Variants in CACNA1A observed in about 807,000 individuals in gnomAD.
CACNA1A encodes the protein calcium voltage-gated channel subunit alpha1 A, also known as voltage-dependent P/Q-type calcium channel subunit alpha-1A.
In CACNA1A, 57 loss-of-function variants were observed where a neutral mutation model predicts 262.4. That is an observed-to-expected ratio of 0.22 (90% confidence interval 0.18 to 0.27). The LOEUF is 0.27. Among genes scored for constraint, CACNA1A ranks in the 10% least tolerant of loss-of-function variants. The pLI, the probability that CACNA1A is intolerant of heterozygous loss-of-function variation, is 1.00. For missense variants in CACNA1A, 2,526 were observed against 3,562.8 expected (o/e 0.71, Z 7.41); for synonymous variants, 1,431 against 1,419.3 (o/e 1.01, Z -0.18).
At position 13,246,970 on chromosome 19, in the gene CACNA1A, C is replaced by T. The variant is rs548741057; in HGVS notation, c.4867-1705G>A. Among the ~76,000 whole-genome samples, 3 of 152,312 alleles carry T rather than the reference C, an allele frequency of 2.0e-5. No homozygotes were observed. In the East Asian group the frequency reaches 5.8e-4, roughly 29 times the overall value. ...GAAATACTCCACATTGTTTGGAGAA[C>T]AGTCACAGCCTCAAGTCCCACAAGG... is the stretch of plus-strand genomic sequence containing the variant. On this transcript the variant is annotated intron_variant, in intron 30 of 46. Transcript: ENST00000360228.
At chr19:13,469,434 T>C (rs1167825956) in intron 1 of CACNA1A, among the ~76,000 whole-genome samples, 1 of 150,300 alleles carries the variant, frequency 6.7e-6, no homozygotes, top group Non-Finnish European at 1.5e-5. Context: ...AACACCTGTT[T>C]CCAGCATCCT....
chr19:13,209,430 G>C lies in CACNA1A; in HGVS notation c.6408C>G (p.Asp2136Glu). The C allele has an allele frequency of 2.9e-6, 4 of 1,388,388 alleles. No individual in the cohort carries two copies. The highest frequency in any genetic ancestry group is 3.7e-6 in the Non-Finnish European group (4 of 1,066,992). 86.0% of individuals were successfully genotyped at this position (1,388,388 alleles called of 1,614,324 possible). Residue 2136 changes from aspartate to glutamate, a missense_variant, in exon 45 of 47, where the codon GAC becomes GAG. Asp to Glu is a conservative substitution (Grantham distance 45). Around this residue, in one of 17 missense-constraint regions of CACNA1A, gnomAD observed 929 missense variants for 868.1 expected, o/e 1.07. Transcript: ENST00000360228. ...SVLGPKARRL[D>E]DYSLERVPPE... Reference sequence around the variant, plus strand: ...GCGGGACCCGCTCCAGCGAGTAATCGTCCAGGCGTCGGGCCTTGGGGCCCA... The same window carrying C: ...GCGGGACCCGCTCCAGCGAGTAATCCTCCAGGCGTCGGGCCTTGGGGCCCA...
At chr19:13,277,266 G>A in intron 22 of CACNA1A, 138 bp from the exon 23 acceptor site, 1 of 607,548 alleles carries the variant, frequency 1.6e-6, no homozygotes, top group Non-Finnish European at 3.0e-6. Context: ...AGTTGCGCAG[G>A]GCGTGCACTG....
intron 10 of CACNA1A, among the ~76,000 whole-genome samples, chr19:13,325,296 T>C (rs950859356): frequency 6.6e-6 from 1 of 151,852 alleles, no homozygotes; most frequent in Non-Finnish European, 1.5e-5. Flanking sequence ...GCCAGGGTTT[T>C]GAGACCAGCC....
rs955869211 is a variant in CACNA1A, at chr19:13,298,673, C to A, written c.2960G>T (p.Arg987Leu). 4 of 1,476,636 alleles carry A rather than the reference C, an allele frequency of 2.7e-6. No individual in the cohort carries two copies. The highest frequency in any genetic ancestry group is 2.6e-5 in the Admixed American group (1 of 38,068). The allele number at this position is 1,476,636 out of a possible 1,614,324, so 91.5% of individuals were successfully genotyped here. Residue 987 changes from arginine to leucine, a missense_variant, in exon 19 of 47, where the codon CGG becomes CTG. Physicochemically the swap from Arg to Leu is moderately radical, Grantham distance 102. Transcript: ENST00000360228. Reference sequence around the variant, plus strand: ...GCCCTCGCCCTCGCCCTCGCCGCCCCGGGCCGGCCGGCTGCCCTCGCGGTG... The same window carrying A: ...GCCCTCGCCCTCGCCCTCGCCGCCCAGGGCCGGCCGGCTGCCCTCGCGGTG... ...ARHREGSRPA[R>L]GGEGEGEGPD...
chr19:13,482,886 G>C (rs1979519384), intron 1 of CACNA1A, among the ~76,000 whole-genome samples: 1 of 150,796 alleles, frequency 6.6e-6, no homozygotes, highest in Admixed American at 6.6e-5. Context: ...GTGTGTGTGT[G>C]TGTGTGTGTC....
Position 13,409,505 on chromosome 19 carries a change from T to G in CACNA1A, c.540-37726A>C, listed in dbSNP as rs537786894. ...CTCCAGCATCTAGCACAGCGCCTGG[T>G]ACAAAGTAAATGTCTCCTCAAATAA... On this transcript the variant is annotated intron_variant, in intron 3 of 46. Coordinates refer to ENST00000360228, the MANE Select transcript of CACNA1A (RefSeq NM_001127222.2). 2.6e-5 allele frequency among the ~76,000 whole-genome samples: 4 copies of G among 152,214 alleles called. No homozygotes were observed. In the South Asian group the frequency reaches 8.3e-4, roughly 32 times the overall value.
Position 13,207,650 on chromosome 19 carries a change from G to T in CACNA1A, c.7184C>A (p.Pro2395Gln). ...HGGARWPASG[P>Q]HVSEGPPGPR... is the part of the protein sequence containing the mutation. ...ACCCGGGGGCCCCTCGGACACGTGC[G>T]GGCCAGATGCCGGCCACCGGGCCCC... Residue 2395 changes from proline to glutamine, a missense_variant, in exon 47 of 47, where the codon CCG becomes CAG. Physicochemically the swap from Pro to Gln is moderately conservative, Grantham distance 76. Coordinates refer to ENST00000360228, the MANE Select transcript of CACNA1A (RefSeq NM_001127222.2). The surrounding 1 kb of genome is among the most constrained non-coding windows in gnomAD (Gnocchi z 5.7). 1 of 1,460,696 alleles carries T rather than the reference G, an allele frequency of 6.8e-7. No homozygotes were observed. 90.5% of individuals were successfully genotyped at this position (1,460,696 alleles called of 1,614,324 possible).
intron 17 of CACNA1A, among the ~76,000 whole-genome samples, 162 bp from the exon 18 acceptor site, chr19:13,300,818 C>T (rs2057771403): frequency 6.6e-6 from 1 of 152,178 alleles, no homozygotes; most frequent in Non-Finnish European, 1.5e-5. Context: ...AAGTGTATTG[C>T]TATCCCCTCT....
chr19:13,449,463 G>A (rs981559389), intron 3 of CACNA1A, among the ~76,000 whole-genome samples: 6 of 151,836 alleles, frequency 4.0e-5, no homozygotes, highest in Non-Finnish European at 7.4e-5. Flanking sequence ...ATGCCCAGCT[G>A]AATATTTTAT....
rs571389698 is a variant in CACNA1A at position 13,214,702 on chromosome 19, C to T, written c.5732-94G>A. 1.0e-6 allele frequency: 1 copy of T among 964,552 alleles called. No individual in the cohort carries two copies. The highest frequency in any genetic ancestry group is 2.1e-5 in the Admixed American group (1 of 48,746). The allele number at this position is 964,552 out of a possible 1,614,324, so 59.7% of individuals were successfully genotyped here. On this transcript the variant is annotated intron_variant, in intron 38 of 46. Transcript: ENST00000360228. This position sits in a 1 kb window ranked among gnomAD's most constrained non-coding sequence, Gnocchi z 4.1. ...AAGCCATAGGCTCCCGAGAACGAGA[C>T]CCCAATCTTTCTGGTCCCCATGGGG...
intron 3 of CACNA1A, among the ~76,000 whole-genome samples, chr19:13,405,888 C>T (rs2059994583): frequency 6.6e-6 from 1 of 152,170 alleles, no homozygotes; most frequent in Non-Finnish European, 1.5e-5. Context: ...TGCTGACTGG[C>T]CCAGGGTCAC....
intron 3 of CACNA1A, among the ~76,000 whole-genome samples, chr19:13,433,480 A>AAAAAAAAAAAAAAAAAAAAAAC: frequency 7.7e-6 from 1 of 129,894 alleles, no homozygotes; most frequent in Non-Finnish European, 1.7e-5. Flanking sequence ...AAAAAAAAAA[A>AAAAAAAAAAAAAAAAAAAAAAC]AAAGTCAGCT....
chr19:13,351,670 T>C (rs1244612855), intron 6 of CACNA1A, among the ~76,000 whole-genome samples: 1 of 152,144 alleles, frequency 6.6e-6, no homozygotes, highest in East Asian at 1.9e-4. Context: ...CCACCACGCC[T>C]GGCTAATTTT....
chr19:13,396,651 C>T (rs1381407240), intron 3 of CACNA1A, among the ~76,000 whole-genome samples: 1 of 152,116 alleles, frequency 6.6e-6, no homozygotes. Context: ...CCTGCTGTAC[C>T]ATGCAGCTCT....
chr19:13,457,577 G>A (rs1448018290), intron 1 of CACNA1A, among the ~76,000 whole-genome samples: 1 of 152,196 alleles, frequency 6.6e-6, no homozygotes, highest in Admixed American at 6.5e-5. Flanking sequence ...TAGGCCGGGT[G>A]CAGTGGCTCA....
chr19:13,238,284 G>T (rs12609158), intron 31 of CACNA1A, among the ~76,000 whole-genome samples: 24,130 of 152,056 alleles, frequency 0.16, 2,739 homozygotes, highest in East Asian at 0.64. Flanking sequence ...GAACTTCCTG[G>T]CTAGAATGTG....
chr19:13,315,054 T>C (rs1008262637), intron 11 of CACNA1A, among the ~76,000 whole-genome samples: 1 of 152,182 alleles, frequency 6.6e-6, no homozygotes, highest in African/African-American at 2.4e-5. Flanking sequence ...CATTGTTGCA[T>C]CTGGAAGAAC....
intron 37 of CACNA1A, among the ~76,000 whole-genome samples, chr19:13,226,790 C>A (rs1172915745): frequency 1.3e-5 from 2 of 152,174 alleles, no homozygotes; most frequent in African/African-American, 4.8e-5. Context: ...GGCCGCCTGC[C>A]CACTCTGGAA....
Sources: allele counts gnomAD v4.1 joint callset (sites outside exome capture counted in the v4.1 genomes callset), GRCh38; gene constraint gnomAD v4.1.1; regional missense constraint gnomAD v4.1.1; non-coding constraint Gnocchi (gnomAD v3.1); transcripts MANE v1.5; gene names NCBI Gene and HGNC (gene_info 2026-07-23, HGNC 2026-07-21).